Variants in PHF21A observed in about 807,000 individuals in gnomAD.
PHF21A encodes BHC80a.
PHF21A carries 11 observed loss-of-function variants against 82.5 expected under a neutral mutation model. The ratio of observed to expected loss-of-function variants is 0.13; its 90% CI spans 0.08 to 0.22. The LOEUF is 0.22. Ranked by LOEUF, PHF21A falls within the 10% of genes least tolerant of loss-of-function variation. The probability of loss-of-function intolerance (pLI) is 1.00; values close to 1 mark genes in which losing one functional copy is unlikely to be tolerated. For synonymous variants in PHF21A, 297 were observed against 302.8 expected, an observed-to-expected ratio of 0.98 and a Z score of 0.20; for missense variants, 579 against 837.8, an observed-to-expected ratio of 0.69 and a Z score of 3.81.
intron 6 of PHF21A, among the ~76,000 whole-genome samples, chr11:46,013,032 A>G (rs1018159332): frequency 4.9e-4 from 75 of 152,166 alleles, no homozygotes; most frequent in African/African-American, 1.8e-3. Flanking sequence ...ATAGTACTGA[A>G]CCCTATATAT....
chr11:45,957,767 A>G (rs1246472933), intron 10 of PHF21A, among the ~76,000 whole-genome samples: 2 of 150,438 alleles, frequency 1.3e-5, no homozygotes, highest in African/African-American at 4.8e-5. Context: ...AAAAAAAAAA[A>G]AAGAAAAAAG....
intron 6 of PHF21A, among the ~76,000 whole-genome samples, chr11:45,998,179 C>G (rs1267404900): frequency 6.6e-6 from 1 of 152,202 alleles, no homozygotes; most frequent in Non-Finnish European, 1.5e-5. Flanking sequence ...AACTTACTCA[C>G]AGCTAGGTTT....
intron 10 of PHF21A, among the ~76,000 whole-genome samples, chr11:45,965,059 T>G (rs1290569980): frequency 6.6e-6 from 1 of 152,178 alleles, no homozygotes; most frequent in Non-Finnish European, 1.5e-5. Flanking sequence ...AATTTCCACA[T>G]CAGAACCACC....
intron 1 of PHF21A, among the ~76,000 whole-genome samples, chr11:46,107,423 CA>C (rs1299400242): frequency 6.6e-6 from 1 of 152,116 alleles, no homozygotes; most frequent in East Asian, 1.9e-4. Context: ...CTGAGCCACT[CA>C]AAAGGAAAAG....
Position 45,933,889 on chromosome 11 carries a change from C to T in PHF21A, c.*79G>A, listed in dbSNP as rs187459294. The stretch of plus-strand genomic sequence containing the variant: ...AAGAATTCTGCACTTTCCAGAAATC[C>T]GGCTTTGCTTTTCTAGAGTCTTCAG... On this transcript the variant is annotated 3_prime_UTR_variant, in exon 19 of 19. Transcript: ENST00000676320. 2.3e-3 allele frequency: 3,100 copies of T among 1,343,754 alleles called. 4 individuals are homozygous for T. Among genetic ancestry groups the T allele is most frequent in the Non-Finnish European group, 2.8e-3 (2,814 of 1,000,488 alleles). The allele number at this position is 1,343,754 out of a possible 1,614,324, so 83.2% of individuals were successfully genotyped here.
intron 1 of PHF21A, among the ~76,000 whole-genome samples, chr11:46,108,555 ATGTG>A (rs779833383): frequency 2.1e-5 from 2 of 94,850 alleles, no homozygotes; most frequent in African/African-American, 7.4e-5. Context: ...TTCTTTAAAA[ATGTG>A]TGTGTGTGTA....
At chr11:46,093,584 T>C (rs868704185) in intron 1 of PHF21A, among the ~76,000 whole-genome samples, 1 of 152,216 alleles carries the variant, frequency 6.6e-6, no homozygotes, top group South Asian at 2.1e-4. Context: ...AGAGAAATCA[T>C]GCAACAATCT....
At chr11:46,113,383 T>C (rs2097246492) in intron 1 of PHF21A, among the ~76,000 whole-genome samples, 1 of 152,190 alleles carries the variant, frequency 6.6e-6, no homozygotes, top group Non-Finnish European at 1.5e-5. Flanking sequence ...AGACCAACAT[T>C]TTCACATTAG....
chr11:46,015,479 T>A (rs970280306), intron 6 of PHF21A, among the ~76,000 whole-genome samples: 31 of 152,236 alleles, frequency 2.0e-4, no homozygotes, highest in African/African-American at 7.5e-4. Flanking sequence ...TTTGAGATTT[T>A]AAAAATTTAT....
intron 1 of PHF21A, among the ~76,000 whole-genome samples, chr11:46,105,346 A>C (rs1034316998): frequency 6.6e-6 from 1 of 152,206 alleles, no homozygotes. Flanking sequence ...GTGCTTTCCA[A>C]GCATGTGTGC....
At chr11:45,940,258 C>T (rs1189210362) in intron 15 of PHF21A, among the ~76,000 whole-genome samples, 3 of 151,596 alleles carry the variant, frequency 2.0e-5, no homozygotes, top group Non-Finnish European at 2.9e-5. Flanking sequence ...GGCAGTGGCG[C>T]GATCTCGGCT....
chr11:46,071,122 A>G (rs1174180591), intron 6 of PHF21A, among the ~76,000 whole-genome samples: 2 of 152,242 alleles, frequency 1.3e-5, no homozygotes, highest in African/African-American at 2.4e-5. Flanking sequence ...CCTTTGTCAT[A>G]TAACTTTGCA....
chr11:46,036,029 A>C (rs1484271766), intron 6 of PHF21A, among the ~76,000 whole-genome samples: 5 of 152,230 alleles, frequency 3.3e-5, no homozygotes, highest in Admixed American at 1.3e-4. Flanking sequence ...GAAACTCTTT[A>C]AATAAGCCAG....
chr11:46,102,540 A>C (rs934309556), intron 1 of PHF21A, among the ~76,000 whole-genome samples: 3 of 152,224 alleles, frequency 2.0e-5, no homozygotes, highest in African/African-American at 7.2e-5. Flanking sequence ...CAAAATTTCC[A>C]TTTTTTAATT....
chr11:46,050,434 T>C (rs1275044868), intron 6 of PHF21A, among the ~76,000 whole-genome samples: 1 of 152,186 alleles, frequency 6.6e-6, no homozygotes, highest in African/African-American at 2.4e-5. Flanking sequence ...AGCTGGCTTT[T>C]GAGAGGCCCA....
chr11:46,060,680 G>A (rs2096524689), intron 6 of PHF21A, among the ~76,000 whole-genome samples: 1 of 152,082 alleles, frequency 6.6e-6, no homozygotes, highest in South Asian at 2.1e-4. Context: ...TTTTTTTCTT[G>A]TAAATTTGTT....
chr11:46,013,507 T>C (rs923742031), intron 6 of PHF21A, among the ~76,000 whole-genome samples: 1 of 152,194 alleles, frequency 6.6e-6, no homozygotes, highest in Non-Finnish European at 1.5e-5. Context: ...AAATGGAAAC[T>C]GCAGGTAAGT....
intron 9 of PHF21A, among the ~76,000 whole-genome samples, chr11:45,966,197 C>A (rs189723193): frequency 7.3e-6 from 1 of 137,544 alleles, no homozygotes; most frequent in East Asian, 2.2e-4. Flanking sequence ...ACTGAAGACT[C>A]ACACTTTTAC....
At chr11:46,095,709 T>C (rs1365150340) in intron 1 of PHF21A, among the ~76,000 whole-genome samples, 2 of 152,082 alleles carry the variant, frequency 1.3e-5, no homozygotes, top group South Asian at 4.1e-4. Context: ...TTGTAAAATA[T>C]CTGAAACCCT....
Sources: allele counts gnomAD v4.1 joint callset (sites outside exome capture counted in the v4.1 genomes callset), GRCh38; gene constraint gnomAD v4.1.1; transcripts MANE v1.5; gene names NCBI Gene and HGNC (gene_info 2026-07-23, HGNC 2026-07-21).